RASGRP3: variants seen among roughly 807,000 people sequenced by gnomAD.
RASGRP3 encodes the protein ras guanyl-releasing protein 3.
Under a neutral mutation model 82.7 loss-of-function variants are expected in RASGRP3, and 54 were observed. That is an observed-to-expected ratio of 0.65 (90% CI 0.52 to 0.82). The LOEUF (loss-of-function observed/expected upper bound fraction) is 0.82, where lower values mean the gene tolerates loss of function less well. Ranked by LOEUF, RASGRP3 falls within the 40% of genes least tolerant of loss-of-function variation. RASGRP3 has a pLI of 0.00. For synonymous variants in RASGRP3, 309 were observed against 300.5 expected (o/e 1.03, Z -0.29); for missense variants, 861 against 828.9 (o/e 1.04, Z -0.48).
At chr2:33,555,671 T>G (rs1416532694) in intron 15 of RASGRP3, 104 bp downstream of exon 15, 1 of 1,069,822 alleles carries the variant, frequency 9.3e-7, no homozygotes, top group Non-Finnish European at 1.4e-6. Flanking sequence ...ATTCGGAATT[T>G]CAGTCTTTTG....
intron 15 of RASGRP3, among the ~76,000 whole-genome samples, chr2:33,557,001 G>GA (rs547426733): frequency 0.029 from 4,206 of 145,564 alleles, 87 homozygotes; most frequent in Non-Finnish European, 0.042. Flanking sequence ...CACATAAAGT[G>GA]AAAAAAAAAA....
intron 3 of RASGRP3, among the ~76,000 whole-genome samples, chr2:33,515,470 C>T (rs1671368219): frequency 6.6e-6 from 1 of 152,180 alleles, no homozygotes; most frequent in South Asian, 2.1e-4. Flanking sequence ...ATCCATTGGT[C>T]ATATTCCCTT....
chr2:33,537,435 T>C (rs1408489950), intron 11 of RASGRP3, among the ~76,000 whole-genome samples: 1 of 151,076 alleles, frequency 6.6e-6, no homozygotes, highest in African/African-American at 2.4e-5. Flanking sequence ...CTCAGCTCAC[T>C]GCAACCTCCA....
At chr2:33,467,384 G>A (rs780666446) in intron 2 of RASGRP3, among the ~76,000 whole-genome samples, 1 of 152,074 alleles carries the variant, frequency 6.6e-6, no homozygotes, top group Non-Finnish European at 1.5e-5. Context: ...GCTTACCCTG[G>A]CCCACACATA....
Position 33,558,823 on chromosome 2 carries a change from C to T in RASGRP3, c.1857C>T (p.Val619=), listed in dbSNP as rs758097472. The T allele has an allele frequency of 6.2e-7, 1 of 1,613,910 alleles. No homozygotes were observed. The highest frequency in any genetic ancestry group is 8.5e-7 in the Non-Finnish European group (1 of 1,179,912). ...GCCAGGCCACCCAGACTGAACCTGT[C>T]TGGTCAGAGGCTGGCTGGGGGGACT... ...TTSQATQTEP[V]WSEAGWGDSG... Residue 619 remains valine, a synonymous_variant, in exon 17 of 18, where the codon GTC becomes GTT. Coordinates refer to ENST00000403687, the MANE Select transcript of RASGRP3 (RefSeq NM_001139488.2).
chr2:33,560,961 T>C (rs1222876225), intron 17 of RASGRP3, among the ~76,000 whole-genome samples: 1 of 152,228 alleles, frequency 6.6e-6, no homozygotes, highest in East Asian at 1.9e-4. Context: ...TAAGGAAATA[T>C]AAACAAGTAT....
chr2:33,523,031 A>AT (rs1020914913), intron 7 of RASGRP3, among the ~76,000 whole-genome samples: 1 of 151,996 alleles, frequency 6.6e-6, no homozygotes, highest in Non-Finnish European at 1.5e-5. Context: ...ACTTCAATTA[A>AT]TTTTTTTTCT....
intron 1 of RASGRP3, among the ~76,000 whole-genome samples, chr2:33,497,231 A>C (rs1669408481): frequency 6.6e-6 from 1 of 152,216 alleles, no homozygotes; most frequent in South Asian, 2.1e-4. Flanking sequence ...TAAGATAAAT[A>C]AATATATACA....
At chr2:33,503,547 A>G (rs749325767) in intron 1 of RASGRP3, among the ~76,000 whole-genome samples, 5 of 152,156 alleles carry the variant, frequency 3.3e-5, no homozygotes, top group African/African-American at 4.8e-5. Flanking sequence ...ATGGGCCTCA[A>G]GCTGTGTAAC....
chr2:33,461,002 A>G (rs1666331921), intron 2 of RASGRP3, among the ~76,000 whole-genome samples: 2 of 152,202 alleles, frequency 1.3e-5, no homozygotes, highest in African/African-American at 2.4e-5. Flanking sequence ...GAGTGTTGCA[A>G]TCCATGCTCC....
chr2:33,484,271 A>C (rs1057231467), intron 1 of RASGRP3, among the ~76,000 whole-genome samples: 1 of 152,222 alleles, frequency 6.6e-6, no homozygotes, highest in Admixed American at 6.5e-5. Flanking sequence ...GCTTGTGACT[A>C]TCAGGGATGA....
chr2:33,538,051 T>C (rs2151064944), intron 11 of RASGRP3, among the ~76,000 whole-genome samples: 1 of 152,334 alleles, frequency 6.6e-6, no homozygotes, highest in East Asian at 1.9e-4. Flanking sequence ...CCATAACTGA[T>C]CACTAAGTAT....
At chr2:33,527,733 C>T (rs1316299124) in intron 10 of RASGRP3, among the ~76,000 whole-genome samples, 1 of 152,196 alleles carries the variant, frequency 6.6e-6, no homozygotes, top group Non-Finnish European at 1.5e-5. Context: ...CAACTTATCA[C>T]ATCCTTCTGT....
In RASGRP3 at chr2:33,485,138, C is replaced by T. The variant is rs561869051; in HGVS notation, c.-261+8431C>T. On this transcript the variant is annotated intron_variant, in intron 1 of 17. Transcript: ENST00000403687. ...ACTTGAACCCAGGAGGCAGAGGTTG[C>T]GATGAGCCTAGATTGCGCCATTGCA... 1.3e-3 allele frequency among the ~76,000 whole-genome samples: 194 copies of T among 152,270 alleles called. 1 individual carries two copies. The highest frequency in any genetic ancestry group is 2.3e-3 in the Admixed American group (35 of 15,294).
chr2:33,559,755 G>C, intron 17 of RASGRP3: 3 of 421,228 alleles, frequency 7.1e-6, no homozygotes, highest in South Asian at 5.3e-5. Flanking sequence ...CCACCCTGTC[G>C]AATTGTTCTC....
intron 1 of RASGRP3, among the ~76,000 whole-genome samples, chr2:33,490,310 C>T (rs1223537747): frequency 3.3e-5 from 5 of 152,208 alleles, no homozygotes; most frequent in African/African-American, 4.8e-5. Context: ...ACTTGTTGAG[C>T]TCATATTCTA....
chr2:33,500,185 T>G (rs1669733167), intron 1 of RASGRP3, among the ~76,000 whole-genome samples: 1 of 150,420 alleles, frequency 6.6e-6, no homozygotes, highest in Admixed American at 6.6e-5. Flanking sequence ...TGTGCTGGAG[T>G]AAAGAGAGGA....
rs1216554204 is a variant in RASGRP3 at position 33,524,035 on chromosome 2, T to C, written c.673T>C (p.Phe225Leu). 2 of 1,613,850 alleles carry C rather than the reference T, an allele frequency of 1.2e-6. No individual in the cohort carries two copies. Among genetic ancestry groups the C allele is most frequent in the Admixed American group, 1.7e-5 (1 of 60,014 alleles). The change falls in exon 8 of 18, where the codon TTT becomes CTT. Residue 225 changes from phenylalanine (F) to leucine (L), a missense_variant. Phe to Leu is a conservative substitution (Grantham distance 22, BLOSUM62 0). Transcript: ENST00000403687. ...GCAAAGGGCAGAAGTCATCACAAAG[T>C]TTATCAATGTTGCAAAGGTATGTCT... ...PQQRAEVITK[F>L]INVAKKLLQL...
chr2:33,448,336 A>T (rs1665609153), intron 2 of RASGRP3, among the ~76,000 whole-genome samples: 1 of 152,210 alleles, frequency 6.6e-6, no homozygotes, highest in African/African-American at 2.4e-5. Flanking sequence ...CTTTAAAAAA[A>T]ACTCTCTGTG....
Sources: allele counts gnomAD v4.1 joint callset (sites outside exome capture counted in the v4.1 genomes callset), GRCh38; gene constraint gnomAD v4.1.1; transcripts MANE v1.5; gene names NCBI Gene and HGNC (gene_info 2026-07-23, HGNC 2026-07-21).